ISYNA1: variants seen among roughly 807,000 people sequenced by gnomAD.
ISYNA1 encodes MI-1-P synthase.
In ISYNA1, 34 loss-of-function variants were observed where a neutral mutation model predicts 50.3. That is an observed-to-expected ratio of 0.68 (90% CI 0.51 to 0.90). The LOEUF is 0.90. Among genes scored for constraint, ISYNA1 ranks in the 40% least tolerant of loss-of-function variants. ISYNA1 has a pLI of 0.00. For missense variants in ISYNA1, 718 were observed against 784.8 expected (o/e 0.91, Z 1.02); for synonymous variants, 396 against 349.9 (o/e 1.13, Z -1.47).
chr19:18,437,234 C>CA, intron 3 of ISYNA1, 129 bp from the exon 4 acceptor site: 1 of 1,443,758 alleles, frequency 6.9e-7, no homozygotes, highest in South Asian at 1.4e-5. Flanking sequence ...GGCTCACAGC[C>CA]AGGACGGAAG....
chr19:18,437,164 G>A (rs1335464134), intron 3 of ISYNA1, 59 bp from the exon 4 acceptor site: 41 of 1,515,282 alleles, frequency 2.7e-5, no homozygotes, highest in Non-Finnish European at 3.4e-5. Flanking sequence ...GCCGCGACCC[G>A]GCCTGGGCCC....
rs138624155 is a variant in ISYNA1, at chr19:18,436,373, G to A, written c.716C>T (p.Pro239Leu). Residue 239 changes from proline (P) to leucine (L), a missense_variant, in exon 6 of 11, where the codon CCA becomes CTA. Pro to Leu is a moderately conservative substitution (Grantham distance 98). This residue lies in a region of ISYNA1 where 403 missense variants were observed against 466.6 expected (regional missense o/e 0.86). Transcript: ENST00000338128. Reference sequence around the variant, plus strand: ...GTTCTCGGCTGTGTCGTTGAGGCCTGGAATCACCTCACAGAAGCGCTCCGT... The same window carrying A: ...GTTCTCGGCTGTGTCGTTGAGGCCTAGAATCACCTCACAGAAGCGCTCCGT... ...ANTERFCEVI[P>L]GLNDTAENLL... 3 of 1,612,540 alleles carry A rather than the reference G, an allele frequency of 1.9e-6. No individual in the cohort carries two copies. The highest frequency in any genetic ancestry group is 2.5e-6 in the Non-Finnish European group (3 of 1,179,914).
Position 18,437,768 on chromosome 19 carries a change from C to G in ISYNA1, c.121-8G>C, listed in dbSNP as rs1256246766. 1 of 1,587,584 alleles carries G rather than the reference C, an allele frequency of 6.3e-7. No individual in the cohort carries two copies. The highest frequency in any genetic ancestry group is 8.5e-7 in the Non-Finnish European group (1 of 1,169,622). ...CGTGGACGTGGGGTGCACCTGAAGA[C>G]AGGCCGCGCAGTGAATCCCGGGTCC... On this transcript the variant is annotated splice_polypyrimidine_tract_variant and splice_region_variant and intron_variant, in intron 2 of 10. Transcript: ENST00000338128.
rs1283981164 is a variant in ISYNA1 at position 18,437,075 on chromosome 19, C to T, written c.313G>A (p.Ala105Thr). 6.3e-7 allele frequency: 1 copy of T among 1,577,348 alleles called. No homozygotes were observed. The highest frequency in any genetic ancestry group is 1.3e-5 in the African/African-American group (1 of 74,170). ...EANYYGSLTQ[A>T]GTVSLGLDAE... Reference sequence around the variant, plus strand: ...TCCAGGCCCAGGCTCACGGTGCCCGCCTGAGTCAGCGAGCCGTAGTAGTTG... The same window carrying T: ...TCCAGGCCCAGGCTCACGGTGCCCGTCTGAGTCAGCGAGCCGTAGTAGTTG... The change falls in exon 4 of 11, where the codon GCG becomes ACG. Residue 105 changes from alanine (A) to threonine (T), a missense_variant. Physicochemically the swap from Ala to Thr is moderately conservative, Grantham distance 58 (BLOSUM62 0). Coordinates refer to ENST00000338128, the MANE Select transcript of ISYNA1 (RefSeq NM_016368.5).
In ISYNA1 at chr19:18,437,705, A is replaced by T. The variant is rs1272707453; in HGVS notation, c.176T>A (p.Leu59His). The T allele has an allele frequency of 6.4e-7, 1 of 1,557,010 alleles. No individual in the cohort carries two copies. Among genetic ancestry groups the T allele is most frequent in the South Asian group, 1.2e-5 (1 of 85,294 alleles). The change falls in exon 3 of 11, where the codon CTC becomes CAC. Residue 59 changes from leucine to histidine, a missense_variant. By Grantham distance (99) the Leu-to-His change is moderately conservative. Coordinates refer to ENST00000338128, the MANE Select transcript of ISYNA1 (RefSeq NM_016368.5). The part of the protein sequence containing the change: ...TFRTARQVPR[L>H]GVMLVGWGGN... ...GCCCCAGCCGACAAGCATGACCCCG[A>T]GCCGGGGCACCTGCCGGGCGGTCCG...
At position 18,434,493 on chromosome 19, in the gene ISYNA1, G is replaced by A. The variant is rs1238770262; in HGVS notation, c.*420C>T. 1.3e-6 allele frequency: 1 copy of A among 788,532 alleles called. No homozygotes were observed. 48.8% of individuals were successfully genotyped at this position (788,532 alleles called of 1,614,324 possible). Reference sequence around the variant, plus strand: ...GTCCCAGAGAGAAAGGCTCTTTGGGGGGCCCCTCTCCCCAGGACGTCAGGG... The same window carrying A: ...GTCCCAGAGAGAAAGGCTCTTTGGGAGGCCCCTCTCCCCAGGACGTCAGGG... On this transcript the variant is annotated 3_prime_UTR_variant, in exon 11 of 11. Transcript: ENST00000338128.
At chr19:18,435,142 G>A (rs1600387639) in intron 10 of ISYNA1, 25 bp from the exon 11 acceptor site, 3 of 1,611,428 alleles carry the variant, frequency 1.9e-6, no homozygotes, top group Non-Finnish European at 2.5e-6. Flanking sequence ...CAGCTTAGCA[G>A]AGCCAGACAC....
Position 18,434,943 on chromosome 19 carries a change from C to G in ISYNA1, c.1647G>C (p.Leu549=), listed in dbSNP as rs1278672527. The part of the protein sequence containing the change: ...NGCTGDANGH[L]QEEPPMPTT ...TGGTGGGCATTGGGGGCTCCTCTTG[C>G]AGATGCCCATTGGCATCACCGGTGC... Residue 549 remains leucine, a synonymous_variant, in exon 11 of 11, where the codon CTG becomes CTC. Transcript: ENST00000338128. 3 of 1,613,308 alleles carry G rather than the reference C, an allele frequency of 1.9e-6. No homozygotes were observed. The South Asian group carries it at 3.3e-5, about 18-fold the overall frequency.
chr19:18,438,124 G>T lies in ISYNA1; in HGVS notation c.-41C>A. Reference sequence around the variant, plus strand: ...AGAGTCGACTCAGGCAGCGGCGGCGGACAGCGCGGGCTCTCGGGCGCGCGA... The same window carrying T: ...AGAGTCGACTCAGGCAGCGGCGGCGTACAGCGCGGGCTCTCGGGCGCGCGA... On this transcript the variant is annotated 5_prime_UTR_variant, in exon 1 of 11. Transcript: ENST00000338128. The T allele has an allele frequency of 2.3e-6, 2 of 879,900 alleles. No individual in the cohort carries two copies. Among genetic ancestry groups the T allele is most frequent in the Non-Finnish European group, 3.2e-6 (2 of 624,912 alleles). The allele number at this position is 879,900 out of a possible 1,614,324, so 54.5% of individuals were successfully genotyped here. A position where few individuals can be genotyped will look rare whatever the true frequency, so the allele number is the denominator to read the frequency against.
chr19:18,437,368 GC>G, intron 3 of ISYNA1: 1 of 897,586 alleles, frequency 1.1e-6, no homozygotes, highest in Non-Finnish European at 1.4e-6. Flanking sequence ...GCCAGGCCCC[GC>G]CCCCTGCAAG....
chr19:18,437,230 C>T, intron 3 of ISYNA1, 125 bp from the exon 4 acceptor site: 1 of 1,445,316 alleles, frequency 6.9e-7, no homozygotes, highest in Non-Finnish European at 9.1e-7. Context: ...TCCAGGCTCA[C>T]AGCCAGGACG....
chr19:18,434,685 C>G lies in ISYNA1; in HGVS notation c.*228G>C, dbSNP rs376106789. ...TGGGGGCAGAGCGAGGCTCCAGGTT[C>G]TGGGCTCTCCCTGGGAGTTGGGGTG... On this transcript the variant is annotated 3_prime_UTR_variant, in exon 11 of 11. Transcript: ENST00000338128. 16 of 587,722 alleles carry G rather than the reference C, an allele frequency of 2.7e-5. No individual in the cohort carries two copies. The highest frequency in any genetic ancestry group is 2.0e-4 in the East Asian group (7 of 35,224). The allele number at this position is 587,722 out of a possible 1,614,324, so 36.4% of individuals were successfully genotyped here.
At chr19:18,437,249 T>C (rs1974096603) in intron 3 of ISYNA1, 144 bp from the exon 4 acceptor site, 2 of 1,439,242 alleles carry the variant, frequency 1.4e-6, no homozygotes, top group African/African-American at 2.9e-5. Context: ...CGGAAGCCGC[T>C]GCCCCCAGGC....
rs919589010 is a variant in ISYNA1 at position 18,434,777 on chromosome 19, A to C, written c.*136T>G. The C allele has an allele frequency of 2.8e-6, 2 of 723,116 alleles. No homozygotes were observed. The highest frequency in any genetic ancestry group is 2.4e-6 in the Non-Finnish European group (1 of 424,714). The allele number at this position is 723,116 out of a possible 1,614,324, so 44.8% of individuals were successfully genotyped here. The stretch of plus-strand genomic sequence containing the variant: ...AAGAGTCGGGGAAGTAGAGGGAGGC[A>C]GAGTCAGGTCACAGGCCCCAAGAAC... On this transcript the variant is annotated 3_prime_UTR_variant, in exon 11 of 11. Transcript: ENST00000338128.
chr19:18,436,939 A>AAACC, intron 4 of ISYNA1, 34 bp downstream of exon 4: 4 of 1,295,942 alleles, frequency 3.1e-6, no homozygotes, highest in Non-Finnish European at 4.3e-6. Flanking sequence ...CCCATCTCCC[A>AAACC]TCCCGCCCCA....
rs1214659579 is a variant in ISYNA1 at position 18,437,022 on chromosome 19, G to C, written c.366C>G (p.Pro122=). The change falls in exon 4 of 11, where the codon CCC becomes CCG. Residue 122 remains proline (P), a synonymous_variant. Transcript: ENST00000338128. ...CCACCATGGGCAGCACCGCGCTGAA[G>C]GGTACGAACACCTCCTGGCCCTCGG... ...LDAEGQEVFV[P]FSAVLPMVAP... is the part of the protein sequence containing the mutation. 1 of 1,610,624 alleles carries C rather than the reference G, an allele frequency of 6.2e-7. No homozygotes were observed. The highest frequency in any genetic ancestry group is 2.2e-5 in the East Asian group (1 of 44,800).
intron 3 of ISYNA1, 28 bp from the exon 4 acceptor site, chr19:18,437,133 A>G (rs1370731781): frequency 6.5e-7 from 1 of 1,545,490 alleles, no homozygotes; most frequent in Admixed American, 1.9e-5. Context: ...CGGCGAGGTG[A>G]CGGGTGGGAG....
At position 18,435,553 on chromosome 19, in the gene ISYNA1, C is replaced by G. The variant is rs1034609025; in HGVS notation, c.1254+10G>C. The G allele has an allele frequency of 6.2e-7, 1 of 1,602,868 alleles. No individual in the cohort carries two copies. The highest frequency in any genetic ancestry group is 1.7e-5 in the Admixed American group (1 of 58,626). On this transcript the variant is annotated intron_variant, in intron 9 of 10. Transcript: ENST00000338128. ...TGCCTCCCATAGCAGCCCCTGAAGC[C>G]GCGCCGCACCTCACACGTGTTGTGC...
chr19:18,435,806 A>G lies in ISYNA1; in HGVS notation c.1091T>C (p.Val364Ala), dbSNP rs1223040883. 1.2e-6 allele frequency: 2 copies of G among 1,613,818 alleles called. No homozygotes were observed. The highest frequency in any genetic ancestry group is 3.3e-5 in the Admixed American group (2 of 60,032). ...CGTATAGAGCACTGGGTTGCTCTGC[A>G]CCATGTCGTCCACCACGTTGCTCTT... ...VSKSNVVDDM[V>A]QSNPVLYTPG... Residue 364 changes from valine (V) to alanine (A), a missense_variant, in exon 8 of 11, where the codon GTG (valine) becomes GCG (alanine). This residue lies in a region of ISYNA1 where 305 missense variants were observed against 292.6 expected (regional missense o/e 1.04). Transcript: ENST00000338128.
Sources: gnomAD v4.1 joint callset for allele counts on GRCh38, gnomAD v4.1.1 for gene constraint, gnomAD v4.1.1 regional missense constraint, MANE v1.5 for transcripts, NCBI Gene and HGNC (gene_info 2026-07-23, HGNC 2026-07-21) for gene names.